The following MATN2 variants were observed in gnomAD, a reference collection of about 807,000 sequenced individuals.
MATN2 encodes the protein matrilin-2.
In MATN2, 69 loss-of-function variants were observed where a neutral mutation model predicts 103.2. That is an observed-to-expected ratio of 0.67 (90% CI 0.55 to 0.82). The LOEUF is 0.82. Ranked by LOEUF, MATN2 falls within the 40% of genes least tolerant of loss-of-function variation. The pLI is 0.00. For missense variants in MATN2, 1,023 were observed against 1,211.5 expected (o/e 0.84, Z 2.31); for synonymous variants, 429 against 450.2 (o/e 0.95, Z 0.60).
chr8:98,006,167 C>T (rs6651180), intron 8 of MATN2, among the ~76,000 whole-genome samples: 6,488 of 152,274 alleles, frequency 0.043, 453 homozygotes, highest in African/African-American at 0.15. Context: ...GTGCAGCATT[C>T]GGATGCCAGG....
intron 5 of MATN2, among the ~76,000 whole-genome samples, chr8:97,968,584 A>T (rs1278379576): frequency 2.6e-5 from 4 of 152,196 alleles, no homozygotes; most frequent in Admixed American, 2.6e-4. Flanking sequence ...ACTTCCACAG[A>T]TCCCTAGGGC....
intron 7 of MATN2, among the ~76,000 whole-genome samples, chr8:97,999,545 A>G (rs1171573997): frequency 6.6e-6 from 1 of 152,112 alleles, no homozygotes; most frequent in Non-Finnish European, 1.5e-5. Context: ...TGCCAGGCCT[A>G]TTTTCCTCCA....
chr8:98,002,712 T>A (rs769164316), intron 7 of MATN2, among the ~76,000 whole-genome samples: 1 of 152,164 alleles, frequency 6.6e-6, no homozygotes, highest in Non-Finnish European at 1.5e-5. Flanking sequence ...TCCACAGGTA[T>A]ACTTCAGGTG....
At chr8:97,947,899 T>C (rs754103913) in intron 4 of MATN2, among the ~76,000 whole-genome samples, 2 of 152,224 alleles carry the variant, frequency 1.3e-5, no homozygotes, top group South Asian at 4.1e-4. Flanking sequence ...CTAGATGAAA[T>C]ACAGAGTTGG....
intron 10 of MATN2, among the ~76,000 whole-genome samples, chr8:98,014,282 A>C (rs1003056936): frequency 2.0e-5 from 3 of 149,894 alleles, no homozygotes; most frequent in African/African-American, 7.3e-5. Flanking sequence ...TAGTATTATA[A>C]ATTCACGGTA....
intron 6 of MATN2, among the ~76,000 whole-genome samples, chr8:97,990,463 C>T (rs1457791826): frequency 1.3e-5 from 2 of 152,154 alleles, no homozygotes; most frequent in African/African-American, 4.8e-5. Context: ...TCCCATATGA[C>T]TCATTCATTA....
At position 97,965,138 on chromosome 8, in the gene MATN2, G is replaced by A. The variant is rs568765207; in HGVS notation, c.958+3608G>A. 2.6e-5 allele frequency among the ~76,000 whole-genome samples: 4 copies of A among 152,236 alleles called. 1 individual carries two copies. Among genetic ancestry groups the A allele is most frequent in the African/African-American group, 7.2e-5 (3 of 41,542 alleles). On this transcript the variant is annotated intron_variant, in intron 5 of 18. Transcript: ENST00000254898. Reference sequence around the variant, plus strand: ...AAATTACATAATCACCCTAGTTAAGGCTGTCCAATTTGACTTAAACTGTTA... The same window carrying A: ...AAATTACATAATCACCCTAGTTAAGACTGTCCAATTTGACTTAAACTGTTA...
At chr8:97,976,133 T>C (rs1229476513) in intron 5 of MATN2, among the ~76,000 whole-genome samples, 1 of 152,090 alleles carries the variant, frequency 6.6e-6, no homozygotes, top group Non-Finnish European at 1.5e-5. Context: ...TGAAACTTTT[T>C]TTTTTTTTTG....
chr8:97,953,747 G>A (rs982663441), intron 4 of MATN2, among the ~76,000 whole-genome samples: 4 of 144,634 alleles, frequency 2.8e-5, no homozygotes, highest in Admixed American at 7.2e-5. Context: ...CCAAGATAGC[G>A]CCATTGCACT....
chr8:97,966,466 AG>A (rs1391551650), intron 5 of MATN2, among the ~76,000 whole-genome samples: 1 of 146,150 alleles, frequency 6.8e-6, no homozygotes, highest in Non-Finnish European at 1.5e-5. Flanking sequence ...CTGAGGTGGG[AG>A]GGGTGGGAGG....
chr8:97,938,821 C>T (rs1173399375), intron 3 of MATN2, among the ~76,000 whole-genome samples: 1 of 152,100 alleles, frequency 6.6e-6, no homozygotes, highest in Non-Finnish European at 1.5e-5. Context: ...TATTTTTTGT[C>T]AACTAATCAA....
intron 6 of MATN2, among the ~76,000 whole-genome samples, chr8:97,990,591 G>C (rs374019732): frequency 4.6e-5 from 7 of 152,310 alleles, no homozygotes; most frequent in African/African-American, 1.7e-4. Context: ...CAAGTGAATG[G>C]ATAAACAAAT....
At chr8:97,920,678 A>AGGTGGTGC (rs1809780297) in intron 2 of MATN2, among the ~76,000 whole-genome samples, 1 of 152,166 alleles carries the variant, frequency 6.6e-6, no homozygotes, top group African/African-American at 2.4e-5. Context: ...CTGGGGCATA[A>AGGTGGTGC]GGTGGTGTGG....
At chr8:97,913,971 T>C (rs185600918) in intron 2 of MATN2, among the ~76,000 whole-genome samples, 1 of 152,310 alleles carries the variant, frequency 6.6e-6, no homozygotes, top group African/African-American at 2.4e-5. Context: ...GAACACCAAA[T>C]AGAGATGAGT....
rs75570158 is a variant in MATN2 at position 97,984,017 on chromosome 8, A to G, written c.1081+5009A>G. ...GGTTGTCAGGTTTCTTGGCCAGAGC[A>G]TAGTTAACATACTGAGTGCCACTAC... On this transcript the variant is annotated intron_variant, in intron 6 of 18. Transcript: ENST00000254898. 8.9e-3 allele frequency among the ~76,000 whole-genome samples: 1,350 copies of G among 152,344 alleles called. 11 individuals carry two copies. Among genetic ancestry groups the G allele is most frequent in the South Asian group, 0.019 (90 of 4,820 alleles).
intron 2 of MATN2, among the ~76,000 whole-genome samples, chr8:97,906,181 C>A (rs891560862): frequency 3.3e-5 from 5 of 152,238 alleles, no homozygotes; most frequent in African/African-American, 1.2e-4. Flanking sequence ...AATTTCTCCA[C>A]ATCCTCACCA....
At chr8:97,941,942 C>T in intron 4 of MATN2, 43 bp downstream of exon 4, 2 of 1,603,012 alleles carry the variant, frequency 1.2e-6, no homozygotes, top group Non-Finnish European at 1.7e-6. Flanking sequence ...CTTCCTATTC[C>T]CTCATCCTCT....
intron 5 of MATN2, among the ~76,000 whole-genome samples, chr8:97,971,310 T>G (rs540364063): frequency 4.6e-5 from 7 of 152,368 alleles, no homozygotes; most frequent in African/African-American, 1.7e-4. Context: ...GGTTTCACTT[T>G]GATTCATCCC....
In MATN2 at chr8:97,961,442, T is replaced by C. The variant is rs753121495; in HGVS notation, c.870T>C (p.Cys290=). The part of the protein sequence containing the change: ...QDLCAMEDHN[C]EQLCVNVPGS... Reference sequence around the variant, plus strand: ...TGTGTGCCATGGAGGACCACAACTGTGAGCAGCTCTGTGTGAATGTGCCGG... The same window carrying C: ...TGTGTGCCATGGAGGACCACAACTGCGAGCAGCTCTGTGTGAATGTGCCGG... The change falls in exon 5 of 19, where the codon TGT becomes TGC. Residue 290 remains cysteine (C), a synonymous_variant. Transcript: ENST00000254898. 1.8e-4 allele frequency: 293 copies of C among 1,613,334 alleles called. 1 individual carries two copies. The highest frequency in any genetic ancestry group is 1.0e-3 in the Admixed American group (60 of 59,948).
Sources: allele counts gnomAD v4.1 joint callset (sites outside exome capture counted in the v4.1 genomes callset), GRCh38; gene constraint gnomAD v4.1.1; transcripts MANE v1.5; gene names NCBI Gene and HGNC (gene_info 2026-07-23, HGNC 2026-07-21).